The following NCOR2 variants were observed in gnomAD, a reference collection of about 807,000 sequenced individuals.
NCOR2 encodes CTG repeat protein 26.
Under a neutral mutation model 262.9 loss-of-function variants are expected in NCOR2, and 81 were observed. The observed-to-expected ratio is 0.31, with a 90% CI of 0.26 to 0.37. The LOEUF (loss-of-function observed/expected upper bound fraction) is 0.37. NCOR2 is among the 10% of genes least tolerant of loss of function. The pLI is 1.00. For missense variants in NCOR2, 3,385 were observed against 3,621.4 expected (o/e 0.93, Z 1.68); for synonymous variants, 1,659 against 1,559.3 (o/e 1.06, Z -1.51).
chr12:124,404,097 G>A (rs1593390347), intron 13 of NCOR2, among the ~76,000 whole-genome samples: 1 of 152,362 alleles, frequency 6.6e-6, no homozygotes, highest in African/African-American at 2.4e-5. Context: ...GCCGGCAGGT[G>A]AAGCCTCTTT....
intron 22 of NCOR2, among the ~76,000 whole-genome samples, chr12:124,361,886 G>A (rs925901430): frequency 1.3e-4 from 20 of 152,242 alleles, no homozygotes; most frequent in African/African-American, 3.4e-4. Flanking sequence ...GATTTGCCAC[G>A]GGGTGACTCT....
chr12:124,327,334 G>C (rs2034761259), intron 45 of NCOR2, 75 bp downstream of exon 47: 1 of 1,193,514 alleles, frequency 8.4e-7, no homozygotes, highest in Non-Finnish European at 1.2e-6. Flanking sequence ...GGTTGTCAGA[G>C]GAGCGCGGAG....
chr12:124,512,583 ATCACCAC>A (rs1254017961), intron 1 of NCOR2, among the ~76,000 whole-genome samples: 1 of 152,186 alleles, frequency 6.6e-6, no homozygotes, highest in East Asian at 1.9e-4. Context: ...TCTTGGGGGT[ATCACCAC>A]TCACCCCACT....
chr12:124,388,934 G>T (rs1415390759), intron 16 of NCOR2: 1 of 611,372 alleles, frequency 1.6e-6, no homozygotes, highest in South Asian at 2.1e-5. Flanking sequence ...AGGCTGGCTC[G>T]AGAGGGGCGG....
At chr12:124,385,999 T>A (rs2040774727) in intron 16 of NCOR2, 112 bp from the exon 19 acceptor site, 1 of 1,337,032 alleles carries the variant, frequency 7.5e-7, no homozygotes, top group Non-Finnish European at 1.0e-6. Context: ...AGCCTGGGGC[T>A]CCCTGCTCAG....
chr12:124,503,665 C>A lies in NCOR2; in HGVS notation c.-117-8297G>T, dbSNP rs867078178. ...ATGGATGGATGGATGGATGGATGGA[C>A]GGGTGAATGGATGGATGGATGGATG... On this transcript the variant is annotated intron_variant, in intron 1 of 46. Coordinates refer to the NCOR2 transcript ENST00000404621. This position sits in a 1 kb window ranked among gnomAD's most constrained non-coding sequence, Gnocchi z 4.3. Among the ~76,000 whole-genome samples the A allele has an allele frequency of 5.9e-5, 6 of 102,516 alleles. No individual in the cohort carries two copies. The highest frequency in any genetic ancestry group is 3.0e-4 in the South Asian group (1 of 3,340). 67.3% of individuals were successfully genotyped at this position (102,516 alleles called of 152,430 possible).
intron 3 of NCOR2, among the ~76,000 whole-genome samples, chr12:124,479,577 G>C (rs1383336736): frequency 6.6e-6 from 1 of 151,990 alleles, no homozygotes; most frequent in Admixed American, 6.5e-5. Flanking sequence ...ACGCACGCGC[G>C]CGCGCATGCA....
chr12:124,400,490 CCCCAGCTCA>C lies in NCOR2; in HGVS notation c.1813+2_1813+10del. ...CCCCTTCCCCACCCGCATCCCTGGC[CCCCAGCTCA>C]CCCAGCTCGGCGCTCTGCTGGGGGG... On this transcript the variant is annotated splice_donor_variant and splice_donor_5th_base_variant and intron_variant, in intron 15 of 46. Transcript: ENST00000405201. LOFTEE classifies it high-confidence loss of function. The C allele has an allele frequency of 6.2e-7, 1 of 1,608,812 alleles. No homozygotes were observed. The highest frequency in any genetic ancestry group is 8.5e-7 in the Non-Finnish European group (1 of 1,176,152).
rs1187274189 is a variant in NCOR2 at position 124,457,691 on chromosome 12, C to T, written c.706-529G>A. On this transcript the variant is annotated intron_variant, in intron 5 of 46. Transcript: ENST00000405201. The surrounding 1 kb of genome is among the most constrained non-coding windows in gnomAD (Gnocchi z 4.0). ...TCATGTGATTATTTCTGGGCTGCCC[C>T]GGGGCCTCCCCGCCTCCTCCCCACT... Among the ~76,000 whole-genome samples the T allele has an allele frequency of 1.3e-5, 2 of 152,158 alleles. No individual in the cohort carries two copies. Among genetic ancestry groups the T allele is most frequent in the Non-Finnish European group, 2.9e-5 (2 of 68,026 alleles).
intron 1 of NCOR2, among the ~76,000 whole-genome samples, chr12:124,565,405 C>G (rs2052204367): frequency 6.6e-6 from 1 of 152,202 alleles, no homozygotes; most frequent in Admixed American, 6.5e-5. Context: ...CCAGTCACCG[C>G]TGGCTCCACC....
At chr12:124,391,430 G>T (rs778080909) in intron 16 of NCOR2, among the ~76,000 whole-genome samples, 1 of 152,054 alleles carries the variant, frequency 6.6e-6, no homozygotes, top group Non-Finnish European at 1.5e-5. Context: ...TATCAAAGTT[G>T]GGAGGAAAAG....
At chr12:124,380,097 T>C (rs537248908) in intron 17 of NCOR2, among the ~76,000 whole-genome samples, 1 of 152,348 alleles carries the variant, frequency 6.6e-6, no homozygotes, top group African/African-American at 2.4e-5. Context: ...CACATCCCTC[T>C]GCGCTGGTGC....
chr12:124,431,355 A>G (rs55654184), intron 8 of NCOR2, among the ~76,000 whole-genome samples: 13,884 of 151,766 alleles, frequency 0.091, 815 homozygotes, highest in East Asian at 0.23. Flanking sequence ...CACACACAGT[A>G]GACACACAGT....
chr12:124,325,388 C>CCCCCCCCCCCCCA, exon 47 of NCOR2: 1 of 693,388 alleles, frequency 1.4e-6, no homozygotes, highest in Non-Finnish European at 2.0e-6. Flanking sequence ...CCCCCCCCCC[C>CCCCCCCCCCCCCA]GCCCTGTTCT....
chr12:124,429,839 C>T, intron 9 of NCOR2, 133 bp from the exon 12 acceptor site: 1 of 842,686 alleles, frequency 1.2e-6, no homozygotes, highest in Non-Finnish European at 1.8e-6. Flanking sequence ...GAGGGGCCGG[C>T]CCCACACCCG....
At position 124,549,496 on chromosome 12, in the gene NCOR2, C is replaced by T. The variant is rs1379403066; in HGVS notation, c.-164-13885G>A. On this transcript the variant is annotated intron_variant, in intron 1 of 32. Coordinates refer to the NCOR2 transcript ENST00000458234. The surrounding 1 kb of genome is among the most constrained non-coding windows in gnomAD (Gnocchi z 4.4). ...AGCCCCCTGCAGTAGAAACCCCCAC[C>T]CGCGAGGCCAGGCACAGAGAAGGTA... 2.0e-5 allele frequency among the ~76,000 whole-genome samples: 3 copies of T among 152,050 alleles called. No homozygotes were observed. The highest frequency in any genetic ancestry group is 7.2e-5 in the African/African-American group (3 of 41,386).
At chr12:124,360,329 G>A (rs375461036) in intron 22 of NCOR2, among the ~76,000 whole-genome samples, 16 of 152,296 alleles carry the variant, frequency 1.1e-4, no homozygotes, top group South Asian at 2.1e-4. Context: ...TCCCCACACC[G>A]GGTTCAACGC....
intron 1 of NCOR2, among the ~76,000 whole-genome samples, chr12:124,502,459 T>C (rs2048797937): frequency 6.6e-6 from 1 of 151,980 alleles, no homozygotes; most frequent in Non-Finnish European, 1.5e-5. Flanking sequence ...GGGGTACATT[T>C]TGAAAGTGGG....
intron 30 of NCOR2, among the ~76,000 whole-genome samples, chr12:124,347,196 C>T (rs185858402): frequency 6.6e-6 from 1 of 152,258 alleles, no homozygotes; most frequent in Admixed American, 6.5e-5. Flanking sequence ...TGGTGAAACC[C>T]CACCTCTACA....
Sources: gnomAD v4.1 joint callset for allele counts (sites outside exome capture counted in the v4.1 genomes callset) on GRCh38, gnomAD v4.1.1 for gene constraint, Gnocchi (gnomAD v3.1) non-coding constraint, MANE v1.5 for transcripts, NCBI Gene and HGNC (gene_info 2026-07-23, HGNC 2026-07-21) for gene names.